Variants in FMN1 observed in about 807,000 individuals in gnomAD.
FMN1 encodes formin-1.
In FMN1, 110 loss-of-function variants were observed where a neutral mutation model predicts 132.4. That is an observed-to-expected ratio of 0.83 (90% confidence interval 0.71 to 0.97). The LOEUF is 0.97. FMN1 is among the 50% of genes least tolerant of loss of function. The pLI is 0.00. For synonymous variants in FMN1, 722 were observed against 651.7 expected (o/e 1.11, Z -1.64); for missense variants, 1,792 against 1,705.3 (o/e 1.05, Z -0.90).
chr15:33,194,692 A>G lies in FMN1; in HGVS notation c.-463T>C, dbSNP rs7183344. The G allele has an allele frequency of 0.04, 6,093 of 152,382 alleles. 150 individuals carry two copies. The highest frequency in any genetic ancestry group is 0.069 in the African/African-American group (2,864 of 41,552). 9.4% of individuals were successfully genotyped at this position (152,382 alleles called of 1,614,324 possible). A position where few individuals can be genotyped will look rare whatever the true frequency, so the allele number is the denominator to read the frequency against. On this transcript the variant is annotated 5_prime_UTR_variant, in exon 1 of 21. Transcript: ENST00000616417. ...GCAGCCTCGAAGGATGCTGCGCTCC[A>G]GTCCAGAGCCAAAGCCCAAAGGGGC...
chr15:32,831,811 G>T (rs917012575), intron 17 of FMN1, among the ~76,000 whole-genome samples: 4 of 150,982 alleles, frequency 2.6e-5, no homozygotes, highest in African/African-American at 9.8e-5. Flanking sequence ...GCCTGTTCCC[G>T]GTGTCAGTAA....
At chr15:32,811,333 T>C (rs571971380) in intron 17 of FMN1, among the ~76,000 whole-genome samples, 8 of 152,138 alleles carry the variant, frequency 5.3e-5, no homozygotes, top group African/African-American at 1.9e-4. Context: ...AGTTGAAGAG[T>C]AGAGGGCCAC....
chr15:33,174,390 T>C (rs1415039148), intron 3 of FMN1, among the ~76,000 whole-genome samples: 1 of 152,212 alleles, frequency 6.6e-6, no homozygotes, highest in Non-Finnish European at 1.5e-5. Flanking sequence ...CGATTGATTT[T>C]ACTTCTGTGT....
intron 7 of FMN1, among the ~76,000 whole-genome samples, chr15:32,998,980 C>T (rs758328283): frequency 4.6e-5 from 7 of 152,146 alleles, no homozygotes; most frequent in East Asian, 3.8e-4. Context: ...GGTAGCCAGT[C>T]GCCCAAGAGG....
At chr15:33,078,668 A>C (rs1189088377) in intron 5 of FMN1, among the ~76,000 whole-genome samples, 5 of 151,656 alleles carry the variant, frequency 3.3e-5, no homozygotes, top group Non-Finnish European at 7.4e-5. Context: ...CAACTGGGCC[A>C]TAAAAACCAG....
At chr15:32,891,462 T>C (rs2060027944) in intron 15 of FMN1, among the ~76,000 whole-genome samples, 1 of 152,212 alleles carries the variant, frequency 6.6e-6, no homozygotes, top group African/African-American at 2.4e-5. Context: ...CAGGATGGTC[T>C]CAATCGCCTG....
At chr15:33,041,003 G>C (rs369384768) in intron 6 of FMN1, among the ~76,000 whole-genome samples, 13 of 151,972 alleles carry the variant, frequency 8.6e-5, no homozygotes, top group Non-Finnish European at 1.3e-4. Context: ...ATTATTTTGG[G>C]CTAAGGCTTT....
At chr15:32,778,700 T>G (rs1384020365) in intron 19 of FMN1, among the ~76,000 whole-genome samples, 1 of 152,110 alleles carries the variant, frequency 6.6e-6, no homozygotes, top group Non-Finnish European at 1.5e-5. Context: ...CCTTATACAC[T>G]GTTGATGTGA....
chr15:32,937,333 C>G (rs2061299421), intron 9 of FMN1, among the ~76,000 whole-genome samples: 2 of 152,202 alleles, frequency 1.3e-5, no homozygotes, highest in Non-Finnish European at 2.9e-5. Flanking sequence ...GTAGTTTTCT[C>G]TAAATCAATG....
chr15:33,067,471 A>G (rs749589679), intron 5 of FMN1: 10 of 1,613,936 alleles, frequency 6.2e-6, no homozygotes, highest in Admixed American at 1.7e-5. Flanking sequence ...CCAGGGTCCC[A>G]CGAACACAAA....
intron 5 of FMN1, among the ~76,000 whole-genome samples, chr15:33,085,013 T>C (rs1050351643): frequency 2.0e-5 from 3 of 152,226 alleles, no homozygotes; most frequent in Non-Finnish European, 4.4e-5. Flanking sequence ...TGTCTCAGGC[T>C]GATCAATATA....
At chr15:33,022,447 G>A (rs1163039175) in intron 6 of FMN1, among the ~76,000 whole-genome samples, 2 of 152,124 alleles carry the variant, frequency 1.3e-5, no homozygotes, top group South Asian at 4.1e-4. Context: ...AACTAGCTGA[G>A]AAATATCAGA....
At chr15:32,960,863 T>TG (rs1032989162) in intron 9 of FMN1, among the ~76,000 whole-genome samples, 11 of 151,436 alleles carry the variant, frequency 7.3e-5, no homozygotes, top group African/African-American at 2.7e-4. Flanking sequence ...GGCATGGTGG[T>TG]GCATGCCTGT....
At chr15:33,102,781 A>G (rs1310482688) in intron 4 of FMN1, among the ~76,000 whole-genome samples, 2 of 152,146 alleles carry the variant, frequency 1.3e-5, no homozygotes, top group Non-Finnish European at 2.9e-5. Context: ...CATTGGTTTT[A>G]TTTCATTTCC....
chr15:33,036,596 G>A (rs2036203668), intron 6 of FMN1, among the ~76,000 whole-genome samples: 1 of 152,144 alleles, frequency 6.6e-6, no homozygotes, highest in African/African-American at 2.4e-5. Context: ...GGTTCAAATA[G>A]TATTGACTCC....
chr15:32,777,600 A>ATATTACGTATAACATATAACACTTTATG (rs2056477713), intron 19 of FMN1, among the ~76,000 whole-genome samples: 1 of 137,364 alleles, frequency 7.3e-6, no homozygotes, highest in Non-Finnish European at 1.5e-5. Context: ...AACACTTTAT[A>ATATTACGTATAACATATAACACTTTATG]TATTACGTAT....
intron 4 of FMN1, chr15:33,105,864 T>C (rs1157613187): frequency 3.3e-5 from 5 of 152,090 alleles, no homozygotes; most frequent in Non-Finnish European, 7.4e-5. Flanking sequence ...ATGGCATCAC[T>C]CCAGATCTCA....
chr15:33,150,398 G>A (rs1011798306), intron 4 of FMN1: 35 of 985,336 alleles, frequency 3.6e-5, no homozygotes, highest in Non-Finnish European at 4.0e-5. Flanking sequence ...GGAGGAGGCA[G>A]GAGAAGAAAA....
chr15:32,933,368 T>G (rs2061171264), intron 9 of FMN1, among the ~76,000 whole-genome samples: 1 of 152,208 alleles, frequency 6.6e-6, no homozygotes, highest in African/African-American at 2.4e-5. Context: ...TTTTAAAAAT[T>G]TGTTAAGGCT....
Sources: allele counts gnomAD v4.1 joint callset (sites outside exome capture counted in the v4.1 genomes callset), GRCh38; gene constraint gnomAD v4.1.1; transcripts MANE v1.5; gene names NCBI Gene and HGNC (gene_info 2026-07-23, HGNC 2026-07-21).